Variants in RAB10 observed in about 807,000 individuals in gnomAD.
RAB10 encodes ras-related protein Rab-10.
In RAB10, 5 loss-of-function variants were observed where a neutral mutation model predicts 25.7. That is an observed-to-expected ratio of 0.19 (90% CI 0.10 to 0.41). The LOEUF (loss-of-function observed/expected upper bound fraction) is 0.41. RAB10 is among the 10% of genes least tolerant of loss of function. RAB10 has a pLI of 1.00. For missense variants in RAB10, 103 were observed against 245.8 expected, an observed-to-expected ratio of 0.42 and a Z score of 3.89; for synonymous variants, 89 against 86.4, an observed-to-expected ratio of 1.03 and a Z score of -0.16.
chr2:26,051,089 C>T (rs1666122819), intron 1 of RAB10, among the ~76,000 whole-genome samples: 1 of 151,906 alleles, frequency 6.6e-6, no homozygotes, highest in Admixed American at 6.6e-5. Flanking sequence ...AGGCATGTGC[C>T]ACTGCATCTG....
chr2:26,060,980 A>C (rs889539177), intron 1 of RAB10, among the ~76,000 whole-genome samples: 7 of 151,814 alleles, frequency 4.6e-5, no homozygotes, highest in Admixed American at 6.6e-5. Flanking sequence ...GAGTGGTTAT[A>C]GACAGACTAG....
chr2:26,058,171 T>G (rs966158603), intron 1 of RAB10, among the ~76,000 whole-genome samples: 1 of 152,154 alleles, frequency 6.6e-6, no homozygotes, highest in Non-Finnish European at 1.5e-5. Flanking sequence ...TGCTTCTCAT[T>G]ATCTCCGCTG....
At chr2:26,069,873 T>A (rs1047557654) in intron 1 of RAB10, among the ~76,000 whole-genome samples, 2 of 151,804 alleles carry the variant, frequency 1.3e-5, no homozygotes, top group Admixed American at 6.6e-5. Context: ...GCCCCACTAA[T>A]TTTTGTGTTT....
intron 1 of RAB10, among the ~76,000 whole-genome samples, chr2:26,076,375 T>C (rs1010565061): frequency 6.6e-6 from 1 of 152,204 alleles, no homozygotes; most frequent in African/African-American, 2.4e-5. Context: ...TTGTATTTGC[T>C]TATTGGTGTG....
chr2:26,034,421 A>T lies in RAB10; in HGVS notation c.-188A>T. 1.4e-6 allele frequency: 1 copy of T among 719,728 alleles called. No homozygotes were observed. The highest frequency in any genetic ancestry group is 2.2e-6 in the Non-Finnish European group (1 of 448,486). 44.6% of individuals were successfully genotyped at this position (719,728 alleles called of 1,614,324 possible). The stretch of plus-strand genomic sequence containing the variant: ...GCGGAGCCGCGGTCGCCGCCCTCGG[A>T]GGCACTGGACGCCGCCACTGTCGGG... On this transcript the variant is annotated 5_prime_UTR_variant, in exon 1 of 6. Coordinates refer to ENST00000264710, the MANE Select transcript of RAB10 (RefSeq NM_016131.5).
At chr2:26,065,289 G>A (rs1666491257) in intron 1 of RAB10, among the ~76,000 whole-genome samples, 1 of 151,386 alleles carries the variant, frequency 6.6e-6, no homozygotes, top group African/African-American at 2.4e-5. Context: ...GCCTTTATTA[G>A]CTGTATCTCT....
chr2:26,121,061 A>T (rs993381837), intron 3 of RAB10, among the ~76,000 whole-genome samples: 1 of 151,960 alleles, frequency 6.6e-6, no homozygotes, highest in African/African-American at 2.4e-5. Context: ...ACAGACGTGC[A>T]TCGCCACACC....
intron 1 of RAB10, among the ~76,000 whole-genome samples, chr2:26,069,656 A>T (rs1185169461): frequency 1.3e-5 from 2 of 150,872 alleles, no homozygotes; most frequent in Non-Finnish European, 3.0e-5. Context: ...GCAGAGCGAG[A>T]CTCTGCCCCC....
chr2:26,046,230 C>T (rs1362340259), intron 1 of RAB10, among the ~76,000 whole-genome samples: 1 of 151,404 alleles, frequency 6.6e-6, no homozygotes, highest in African/African-American at 2.4e-5. Flanking sequence ...GAGGCTGAGG[C>T]AGGAGAATTG....
At chr2:26,114,241 C>A (rs929359725) in intron 3 of RAB10, among the ~76,000 whole-genome samples, 1 of 151,904 alleles carries the variant, frequency 6.6e-6, no homozygotes, top group Non-Finnish European at 1.5e-5. Flanking sequence ...ACAAATTGAC[C>A]CTAAAACTAA....
At chr2:26,039,908 A>G (rs901169590) in intron 1 of RAB10, among the ~76,000 whole-genome samples, 4 of 152,194 alleles carry the variant, frequency 2.6e-5, no homozygotes, top group East Asian at 3.9e-4. Flanking sequence ...TTTGTAAGCT[A>G]TGCTTACAAC....
rs1272595920 is a variant in RAB10, at chr2:26,136,905, T to C, written c.*1884T>C. 2 of 152,680 alleles carry C rather than the reference T, an allele frequency of 1.3e-5. No individual in the cohort carries two copies. Among genetic ancestry groups the C allele is most frequent in the Non-Finnish European group, 2.9e-5 (2 of 68,046 alleles). The allele number at this position is 152,680 out of a possible 1,614,324, so 9.5% of individuals were successfully genotyped here. ...GCAGCATTGCCAAATAATCCCTAAT[T>C]TTCCACTAAAAATATAATGAAATGA... On this transcript the variant is annotated 3_prime_UTR_variant, in exon 6 of 6. Coordinates refer to ENST00000264710, the MANE Select transcript of RAB10 (RefSeq NM_016131.5).
At chr2:26,121,154 CA>C (rs1425924399) in intron 3 of RAB10, among the ~76,000 whole-genome samples, 3 of 152,174 alleles carry the variant, frequency 2.0e-5, no homozygotes, top group Non-Finnish European at 4.4e-5. Flanking sequence ...TCATGTGATC[CA>C]CCCACCTCAG....
chr2:26,047,970 C>T (rs1666051219), intron 1 of RAB10, among the ~76,000 whole-genome samples: 1 of 150,580 alleles, frequency 6.6e-6, no homozygotes. Context: ...AGGTGATCTG[C>T]CGGCCTCGGC....
chr2:26,113,325 G>C (rs561097389), intron 3 of RAB10, among the ~76,000 whole-genome samples: 2 of 152,132 alleles, frequency 1.3e-5, no homozygotes, highest in East Asian at 3.9e-4. Context: ...GTAAATCCCA[G>C]CACTTTGGGA....
At chr2:26,042,324 A>T (rs149768040) in intron 1 of RAB10, among the ~76,000 whole-genome samples, 1 of 152,260 alleles carries the variant, frequency 6.6e-6, no homozygotes, top group Non-Finnish European at 1.5e-5. Context: ...GGTTGGTTCC[A>T]CTAACCTGCA....
chr2:26,039,720 A>G (rs1665842953), intron 1 of RAB10, among the ~76,000 whole-genome samples: 1 of 152,032 alleles, frequency 6.6e-6, no homozygotes, highest in Non-Finnish European at 1.5e-5. Flanking sequence ...TCAAGATTTA[A>G]AAATTGTTGA....
chr2:26,058,378 AAG>A (rs1329386440), intron 1 of RAB10, among the ~76,000 whole-genome samples: 1 of 152,134 alleles, frequency 6.6e-6, no homozygotes, highest in Non-Finnish European at 1.5e-5. Context: ...CAATCTCAGA[AAG>A]AACATGTAAG....
At chr2:26,107,857 A>AC (rs1386295632) in intron 2 of RAB10, among the ~76,000 whole-genome samples, 1 of 152,244 alleles carries the variant, frequency 6.6e-6, no homozygotes, top group Admixed American at 6.5e-5. Context: ...CAAAAAAAAA[A>AC]ACCAGACATT....
Sources: gnomAD v4.1 joint callset for allele counts (sites outside exome capture counted in the v4.1 genomes callset) on GRCh38, gnomAD v4.1.1 for gene constraint, MANE v1.5 for transcripts, NCBI Gene and HGNC (gene_info 2026-07-23, HGNC 2026-07-21) for gene names.